LSAMP: variants seen among roughly 807,000 people sequenced by gnomAD.
LSAMP encodes the protein limbic system-associated membrane protein.
In LSAMP, 7 loss-of-function variants were observed where a neutral mutation model predicts 38.6. The ratio of observed to expected loss-of-function variants is 0.18; its 90% confidence interval spans 0.10 to 0.34. The LOEUF is 0.34. Among genes scored for constraint, LSAMP ranks in the 10% least tolerant of loss-of-function variants. The pLI is 1.00. For synonymous variants in LSAMP, 154 were observed against 166.8 expected (o/e 0.92, Z 0.59); for missense variants, 313 against 420.0 (o/e 0.75, Z 2.23).
chr3:116,248,348 T>TG (rs1317734226), intron 1 of LSAMP, among the ~76,000 whole-genome samples: 1 of 152,030 alleles, frequency 6.6e-6, no homozygotes, highest in Non-Finnish European at 1.5e-5. Flanking sequence ...GCAAGAACTT[T>TG]GGGGCAAACT....
chr3:116,256,911 C>T (rs544862615), intron 1 of LSAMP, among the ~76,000 whole-genome samples: 1 of 152,270 alleles, frequency 6.6e-6, no homozygotes, highest in African/African-American at 2.4e-5. Flanking sequence ...CCTATTTTAC[C>T]TTTCTTTCAG....
At chr3:116,195,574 A>G (rs1308266603) in intron 1 of LSAMP, among the ~76,000 whole-genome samples, 2 of 152,226 alleles carry the variant, frequency 1.3e-5, no homozygotes, top group African/African-American at 2.4e-5. Context: ...TGTCTAAACT[A>G]TGAACAAGAA....
intron 4 of LSAMP, among the ~76,000 whole-genome samples, chr3:115,851,433 C>T (rs1935327913): frequency 6.6e-6 from 1 of 152,102 alleles, no homozygotes; most frequent in Admixed American, 6.6e-5. Context: ...AGCAGTTTTA[C>T]CTCCTTGGGT....
chr3:116,359,587 T>C (rs565047796), intron 1 of LSAMP, among the ~76,000 whole-genome samples: 2 of 152,204 alleles, frequency 1.3e-5, no homozygotes, highest in Non-Finnish European at 2.9e-5. Flanking sequence ...TTATTTTATT[T>C]TTAAGTTCAG....
intron 1 of LSAMP, among the ~76,000 whole-genome samples, chr3:116,195,634 T>C (rs1710864220): frequency 6.6e-6 from 1 of 151,970 alleles, no homozygotes; most frequent in Non-Finnish European, 1.5e-5. Context: ...ACTTAGTCAG[T>C]TTTGGTAAAG....
At chr3:115,902,160 T>A (rs749049732) in intron 3 of LSAMP, among the ~76,000 whole-genome samples, 52 of 152,052 alleles carry the variant, frequency 3.4e-4, no homozygotes, top group Non-Finnish European at 6.9e-4. Context: ...AAGAAATACT[T>A]GTTAAAAATG....
chr3:115,826,304 A>G (rs1934407980), intron 6 of LSAMP, among the ~76,000 whole-genome samples: 2 of 151,820 alleles, frequency 1.3e-5, no homozygotes, highest in Non-Finnish European at 2.9e-5. Flanking sequence ...TTTAGTAGAG[A>G]CGGGGTTTCA....
chr3:115,955,079 C>A (rs1938412976), intron 3 of LSAMP, among the ~76,000 whole-genome samples: 1 of 152,004 alleles, frequency 6.6e-6, no homozygotes, highest in East Asian at 1.9e-4. Flanking sequence ...CGCAGCCTCC[C>A]GAGTAGCACC....
chr3:115,980,415 A>C (rs958960342), intron 3 of LSAMP, among the ~76,000 whole-genome samples: 1 of 152,070 alleles, frequency 6.6e-6, no homozygotes, highest in Admixed American at 6.6e-5. Context: ...GTAAAAGGAA[A>C]ATAAGCCCTA....
At chr3:116,161,340 A>C (rs924822773) in intron 1 of LSAMP, among the ~76,000 whole-genome samples, 3 of 152,234 alleles carry the variant, frequency 2.0e-5, no homozygotes, top group Non-Finnish European at 4.4e-5. Context: ...CAGAATTATC[A>C]GAGTAAACAT....
chr3:116,407,613 G>C (rs969758746), intron 1 of LSAMP, among the ~76,000 whole-genome samples: 3 of 152,040 alleles, frequency 2.0e-5, no homozygotes, highest in South Asian at 2.1e-4. Flanking sequence ...CAACCTTGGG[G>C]TTGTTCAATC....
At chr3:116,158,923 A>T (rs1709820061) in intron 1 of LSAMP, among the ~76,000 whole-genome samples, 1 of 152,012 alleles carries the variant, frequency 6.6e-6, no homozygotes, top group Non-Finnish European at 1.5e-5. Flanking sequence ...ACAAAACAAA[A>T]CAGAAAACAA....
At chr3:115,817,017 C>A (rs1313327085) in intron 6 of LSAMP, among the ~76,000 whole-genome samples, 1 of 152,234 alleles carries the variant, frequency 6.6e-6, no homozygotes, top group Non-Finnish European at 1.5e-5. Flanking sequence ...CCATTTTGCC[C>A]TGGTTTATTC....
chr3:115,944,992 A>AT (rs965350933), intron 3 of LSAMP, among the ~76,000 whole-genome samples: 8 of 151,372 alleles, frequency 5.3e-5, no homozygotes, highest in African/African-American at 1.7e-4. Context: ...ATTAAGTACC[A>AT]TTTTTTTTCT....
rs1344620112 is a variant in LSAMP at position 115,931,162 on chromosome 3, G to C, written c.515-78545C>G. ...CACCCGGGATTTCCCACCAGATGGGGAGAGAGCTCATTACTAACCCAGAGG... is the reference window on the plus strand; with the variant it reads ...CACCCGGGATTTCCCACCAGATGGGCAGAGAGCTCATTACTAACCCAGAGG... On this transcript the variant is annotated intron_variant, in intron 3 of 6. Transcript: ENST00000490035. Among the ~76,000 whole-genome samples, 9 of 152,228 alleles carry C rather than the reference G, an allele frequency of 5.9e-5. No individual in the cohort carries two copies. The East Asian group carries it at 1.7e-3, about 30-fold the overall frequency.
At chr3:116,173,336 G>A (rs1482345466) in intron 1 of LSAMP, among the ~76,000 whole-genome samples, 1 of 152,006 alleles carries the variant, frequency 6.6e-6, no homozygotes, top group Non-Finnish European at 1.5e-5. Context: ...AAATGTTGGT[G>A]CAACAGAATA....
intron 6 of LSAMP, among the ~76,000 whole-genome samples, chr3:115,828,039 C>T (rs1934482578): frequency 6.6e-6 from 1 of 152,184 alleles, no homozygotes; most frequent in African/African-American, 2.4e-5. Flanking sequence ...CTTGCCTCTT[C>T]AGAAGTCAAA....
At chr3:115,936,147 C>T (rs1576234639) in intron 3 of LSAMP, among the ~76,000 whole-genome samples, 2 of 152,302 alleles carry the variant, frequency 1.3e-5, no homozygotes, top group South Asian at 2.1e-4. Flanking sequence ...TACAACATTT[C>T]CAGTATCTTT....
At chr3:116,095,021 A>G (rs1708196112) in intron 1 of LSAMP, among the ~76,000 whole-genome samples, 1 of 152,246 alleles carries the variant, frequency 6.6e-6, no homozygotes, top group African/African-American at 2.4e-5. Context: ...CATATAAGAG[A>G]GATAACTAAA....
Sources: gnomAD v4.1 joint callset for allele counts (sites outside exome capture counted in the v4.1 genomes callset) on GRCh38, gnomAD v4.1.1 for gene constraint, MANE v1.5 for transcripts, NCBI Gene and HGNC (gene_info 2026-07-23, HGNC 2026-07-21) for gene names.